Variants in UNC79 observed in about 807,000 individuals in gnomAD.
UNC79 encodes the protein unc-79 subunit of NALCN channel complex.
UNC79 carries 37 observed loss-of-function variants against 283.1 expected under a neutral mutation model. The ratio of observed to expected loss-of-function variants is 0.13; its 90% CI spans 0.10 to 0.17. UNC79 has a LOEUF of 0.17. Ranked by LOEUF, UNC79 falls within the 10% of genes least tolerant of loss-of-function variation. UNC79 has a pLI of 1.00. For missense variants in UNC79, 2,272 were observed against 3,211.1 expected, an observed-to-expected ratio of 0.71 and a Z score of 7.07; for synonymous variants, 1,107 against 1,200.2, an observed-to-expected ratio of 0.92 and a Z score of 1.61.
chr14:93,564,163 AG>A (rs1831680522), intron 14 of UNC79, among the ~76,000 whole-genome samples: 3 of 152,220 alleles, frequency 2.0e-5, no homozygotes, highest in African/African-American at 7.2e-5. Context: ...GGGATGAGTC[AG>A]GGAGAGCTAG....
intron 14 of UNC79, among the ~76,000 whole-genome samples, chr14:93,558,482 G>A (rs1012848885): frequency 1.3e-5 from 2 of 151,618 alleles, no homozygotes; most frequent in African/African-American, 2.4e-5. Context: ...CGTGAACCCC[G>A]GAGGCGGAGC....
chr14:93,607,636 CTT>C (rs1201553493), intron 26 of UNC79, among the ~76,000 whole-genome samples: 1 of 152,236 alleles, frequency 6.6e-6, no homozygotes, highest in Non-Finnish European at 1.5e-5. Context: ...GACCAAAAGA[CTT>C]TGCCAGTTAG....
At chr14:93,528,735 A>G in intron 9 of UNC79, 89 bp downstream of exon 9, 4 of 1,249,358 alleles carry the variant, frequency 3.2e-6, no homozygotes, top group Non-Finnish European at 1.1e-6. Context: ...TTACATTGCT[A>G]AAGTTTCTCT....
rs777795613 is a variant in UNC79, at chr14:93,621,918, C to T, written c.4685C>T (p.Pro1562Leu). The change falls in exon 30 of 49, where the codon CCC becomes CTC. Residue 1562 changes from proline to leucine, a missense_variant. Around this residue, in one of 11 missense-constraint regions of UNC79, gnomAD observed 580 missense variants for 632.2 expected, o/e 0.92. Coordinates refer to ENST00000555664, the Ensembl canonical transcript of UNC79. This position sits in a 1 kb window ranked among gnomAD's most constrained non-coding sequence, Gnocchi z 4.8. ...ACGAGGCCTGACAATAGTGAAATCC[C>T]CGAGAACCCAGCTATGGAAGGGTTT... 6 of 1,614,056 alleles carry T rather than the reference C, an allele frequency of 3.7e-6. No individual in the cohort carries two copies. Among genetic ancestry groups the T allele is most frequent in the Non-Finnish European group, 5.1e-6 (6 of 1,180,006 alleles).
chr14:93,695,596 C>T (rs2075037723), intron 47 of UNC79, among the ~76,000 whole-genome samples: 1 of 151,956 alleles, frequency 6.6e-6, no homozygotes, highest in African/African-American at 2.4e-5. Context: ...CCATCACCTC[C>T]AAAAGTTTTT....
chr14:93,546,746 C>T (rs531310373), intron 14 of UNC79, among the ~76,000 whole-genome samples: 18 of 152,278 alleles, frequency 1.2e-4, no homozygotes, highest in African/African-American at 4.3e-4. Context: ...GTAATTCAGT[C>T]TTGTTCTGCT....
intron 14 of UNC79, 69 bp downstream of exon 14, chr14:93,542,765 T>A: frequency 6.7e-7 from 1 of 1,499,602 alleles, no homozygotes; most frequent in Non-Finnish European, 9.3e-7. Flanking sequence ...GCCTTAGCCA[T>A]GTGGGTATTA....
intron 1 of UNC79, among the ~76,000 whole-genome samples, chr14:93,423,590 A>G (rs543988846): frequency 2.6e-4 from 39 of 152,308 alleles, no homozygotes; most frequent in African/African-American, 7.2e-4. Flanking sequence ...TTTTGACAAA[A>G]CTACCAAGAA....
chr14:93,516,343 T>C (rs1176841671), intron 7 of UNC79, among the ~76,000 whole-genome samples: 1 of 151,914 alleles, frequency 6.6e-6, no homozygotes, highest in Non-Finnish European at 1.5e-5. Context: ...ACTCCAGATT[T>C]GTTCTTTTAA....
chr14:93,517,121 AT>A (rs1322414891), intron 7 of UNC79, among the ~76,000 whole-genome samples: 7 of 145,072 alleles, frequency 4.8e-5, no homozygotes, highest in East Asian at 1.9e-4. Flanking sequence ...TCTGCAAATA[AT>A]TTTTTTTCTT....
Position 93,634,394 on chromosome 14 carries a change from G to A in UNC79, c.5717-2822G>A. 4 of 683,700 alleles carry A rather than the reference G, an allele frequency of 5.9e-6. No individual in the cohort carries two copies. The South Asian group carries it at 5.9e-5, about 10-fold the overall frequency. 42.4% of individuals were successfully genotyped at this position (683,700 alleles called of 1,614,324 possible). On this transcript the variant is annotated intron_variant, in intron 31 of 48. Coordinates refer to ENST00000555664, the Ensembl canonical transcript of UNC79. ...ACCTTAATTTTTCATTTGAACAGAA[G>A]CATACAATTTACCAAAAATTATGAA...
intron 4 of UNC79, among the ~76,000 whole-genome samples, chr14:93,482,873 G>T (rs780559224): frequency 6.6e-6 from 1 of 152,118 alleles, no homozygotes; most frequent in Non-Finnish European, 1.5e-5. Context: ...CAGCAAAACC[G>T]TCTAGCTTCC....
chr14:93,528,492 C>A, intron 8 of UNC79, 66 bp from the exon 9 acceptor site: 1 of 1,441,250 alleles, frequency 6.9e-7, no homozygotes, highest in Non-Finnish European at 9.6e-7. Flanking sequence ...AGCATTTGTG[C>A]TTAGAATATA....
intron 14 of UNC79, among the ~76,000 whole-genome samples, chr14:93,556,737 GA>G (rs1042059214): frequency 6.6e-6 from 1 of 151,068 alleles, no homozygotes; most frequent in Non-Finnish European, 1.5e-5. Context: ...TCCAAGAAGA[GA>G]AAAAAGCCTA....
intron 1 of UNC79, among the ~76,000 whole-genome samples, chr14:93,385,385 T>A (rs1399902615): frequency 8.6e-6 from 1 of 116,908 alleles, no homozygotes; most frequent in Non-Finnish European, 1.8e-5. Flanking sequence ...GATCTTTCAT[T>A]TCTTTCAAAA....
chr14:93,497,053 T>C, intron 6 of UNC79, 104 bp from the exon 7 acceptor site: 1 of 1,321,388 alleles, frequency 7.6e-7, no homozygotes, highest in Non-Finnish European at 1.0e-6. Context: ...ATTACTCACC[T>C]CAATCCCTCC....
intron 1 of UNC79, among the ~76,000 whole-genome samples, chr14:93,448,025 T>G (rs774441950): frequency 2.0e-5 from 3 of 152,172 alleles, no homozygotes; most frequent in Non-Finnish European, 2.9e-5. Context: ...AATTTCTGCC[T>G]GTTACCAAAT....
chr14:93,429,909 C>T (rs2055816198), upstream of UNC79, among the ~76,000 whole-genome samples: 1 of 152,120 alleles, frequency 6.6e-6, no homozygotes, highest in Non-Finnish European at 1.5e-5. Flanking sequence ...AGATAAAGAA[C>T]CGGAGGTGTA....
chr14:93,619,196 C>T (rs8004433), intron 29 of UNC79, among the ~76,000 whole-genome samples: 1,985 of 152,276 alleles, frequency 0.013, 23 homozygotes, highest in Middle Eastern at 0.027. Context: ...ACAGACGGAA[C>T]TCGAGAACTA....
Sources: gnomAD v4.1 joint callset for allele counts (sites outside exome capture counted in the v4.1 genomes callset) on GRCh38, gnomAD v4.1.1 for gene constraint, gnomAD v4.1.1 regional missense constraint, Gnocchi (gnomAD v3.1) non-coding constraint, MANE v1.5 for transcripts, NCBI Gene and HGNC (gene_info 2026-07-23, HGNC 2026-07-21) for gene names.